Variants in CNOT4 observed in about 807,000 individuals in gnomAD.
CNOT4 encodes the protein CCR4-associated factor 4.
CNOT4 carries 8 observed loss-of-function variants against 73.8 expected under a neutral mutation model. That is an observed-to-expected ratio of 0.11 (90% CI 0.06 to 0.20). The LOEUF (loss-of-function observed/expected upper bound fraction) is 0.20. Among genes scored for constraint, CNOT4 ranks in the 10% least tolerant of loss-of-function variants. CNOT4 has a pLI of 1.00. For synonymous variants in CNOT4, 293 were observed against 321.1 expected, an observed-to-expected ratio of 0.91 and a Z score of 0.94; for missense variants, 564 against 883.4, an observed-to-expected ratio of 0.64 and a Z score of 4.58.
intron 1 of CNOT4, among the ~76,000 whole-genome samples, chr7:135,502,816 C>CAAAAAAAAAAA (rs56358299): frequency 1.7e-5 from 1 of 59,162 alleles, no homozygotes; most frequent in Non-Finnish European, 3.3e-5. Context: ...AACTCCATCT[C>CAAAAAAAAAAA]AAAAAAAAAA....
chr7:135,383,967 C>A (rs1235565618), intron 10 of CNOT4, among the ~76,000 whole-genome samples: 1 of 151,204 alleles, frequency 6.6e-6, no homozygotes, highest in Non-Finnish European at 1.5e-5. Context: ...TTTTTCCACT[C>A]CTATGCTTTG....
intron 10 of CNOT4, among the ~76,000 whole-genome samples, chr7:135,390,453 A>G (rs949187587): frequency 6.6e-6 from 1 of 152,152 alleles, no homozygotes; most frequent in Non-Finnish European, 1.5e-5. Context: ...ATAATAAAAA[A>G]AAAGATCTGA....
intron 10 of CNOT4, among the ~76,000 whole-genome samples, chr7:135,392,858 A>C (rs1796473565): frequency 6.6e-6 from 1 of 152,188 alleles, no homozygotes; most frequent in South Asian, 2.1e-4. Context: ...AGACCTCTGT[A>C]AATTCATCTA....
chr7:135,487,795 T>C (rs1236370239), intron 1 of CNOT4, among the ~76,000 whole-genome samples: 1 of 152,232 alleles, frequency 6.6e-6, no homozygotes, highest in Non-Finnish European at 1.5e-5. Context: ...GGCTTACGCC[T>C]GTGGTCCCAG....
chr7:135,370,795 G>T (rs1270535132), intron 10 of CNOT4, among the ~76,000 whole-genome samples: 1 of 152,152 alleles, frequency 6.6e-6, no homozygotes, highest in Non-Finnish European at 1.5e-5. Flanking sequence ...AAAGCTTTCT[G>T]AATGCAGGAG....
chr7:135,399,366 T>C (rs185452614), intron 7 of CNOT4, among the ~76,000 whole-genome samples: 174 of 152,220 alleles, frequency 1.1e-3, no homozygotes, highest in Middle Eastern at 6.8e-3. Context: ...TTGAATACTG[T>C]AGGCAATGTA....
chr7:135,469,458 T>C (rs960900897), intron 1 of CNOT4, among the ~76,000 whole-genome samples: 1 of 152,208 alleles, frequency 6.6e-6, no homozygotes, highest in African/African-American at 2.4e-5. Context: ...CTTCACTGGA[T>C]CTTCCTCCTT....
At chr7:135,455,252 G>T (rs1195905337) in intron 1 of CNOT4, among the ~76,000 whole-genome samples, 1 of 150,400 alleles carries the variant, frequency 6.6e-6, no homozygotes, top group East Asian at 2.0e-4. Context: ...CCAGCCTCGG[G>T]AAGAGAGCAA....
intron 1 of CNOT4, among the ~76,000 whole-genome samples, chr7:135,501,261 A>T (rs1803945073): frequency 6.6e-6 from 1 of 152,224 alleles, no homozygotes; most frequent in Admixed American, 6.5e-5. Flanking sequence ...CTGGGATTAC[A>T]GGTGTGAGCC....
At chr7:135,454,352 T>C (rs1800389874) in intron 1 of CNOT4, among the ~76,000 whole-genome samples, 2 of 151,964 alleles carry the variant, frequency 1.3e-5, no homozygotes, top group South Asian at 4.1e-4. Flanking sequence ...TATGTCAGAA[T>C]GTTTTCAAGA....
chr7:135,406,296 C>T, intron 7 of CNOT4, among the ~76,000 whole-genome samples: 1 of 124,924 alleles, frequency 8.0e-6, no homozygotes, highest in Non-Finnish European at 1.7e-5. Context: ...AAAACATCCC[C>T]ACCCCCCACC....
intron 10 of CNOT4, among the ~76,000 whole-genome samples, chr7:135,393,250 G>A (rs1428117696): frequency 6.6e-6 from 1 of 152,118 alleles, no homozygotes; most frequent in East Asian, 1.9e-4. Context: ...AAGTATTTTG[G>A]CATCAAACTT....
intron 7 of CNOT4, among the ~76,000 whole-genome samples, chr7:135,400,779 G>A (rs909861180): frequency 7.2e-5 from 11 of 152,150 alleles, no homozygotes; most frequent in Non-Finnish European, 1.6e-4. Flanking sequence ...TCCGATAATA[G>A]CTGCTGAAAA....
chr7:135,492,330 A>G (rs1456149345), intron 1 of CNOT4, among the ~76,000 whole-genome samples: 1 of 152,212 alleles, frequency 6.6e-6, no homozygotes, highest in African/African-American at 2.4e-5. Flanking sequence ...TGAAGTACTC[A>G]AAGAGTTGAT....
chr7:135,426,403 C>T (rs1351308710), intron 2 of CNOT4, among the ~76,000 whole-genome samples: 1 of 151,334 alleles, frequency 6.6e-6, no homozygotes, highest in African/African-American at 2.4e-5. Context: ...GAAATCGAGA[C>T]CATCCTGGCT....
At chr7:135,384,525 T>A in intron 10 of CNOT4, 1 of 619,250 alleles carries the variant, frequency 1.6e-6, no homozygotes, top group East Asian at 2.8e-5. Context: ...GACCTTGTGA[T>A]CTGCCTGCCT....
At chr7:135,375,645 C>T in intron 10 of CNOT4, among the ~76,000 whole-genome samples, 1 of 152,138 alleles carries the variant, frequency 6.6e-6, no homozygotes, top group Admixed American at 6.5e-5. Context: ...TGTGTTAGGG[C>T]TGGGCGCGGT....
chr7:135,391,515 C>T (rs1286007863), intron 10 of CNOT4, among the ~76,000 whole-genome samples: 2 of 151,770 alleles, frequency 1.3e-5, no homozygotes, highest in African/African-American at 2.4e-5. Flanking sequence ...AAGTTGGTGA[C>T]TACATTTTTA....
At chr7:135,503,940 G>A (rs1321147482) in intron 1 of CNOT4, among the ~76,000 whole-genome samples, 1 of 152,076 alleles carries the variant, frequency 6.6e-6, no homozygotes, top group Non-Finnish European at 1.5e-5. Flanking sequence ...AATATGGGAG[G>A]CAGAAAATAA....
Sources: allele counts gnomAD v4.1 joint callset (sites outside exome capture counted in the v4.1 genomes callset), GRCh38; gene constraint gnomAD v4.1.1; transcripts MANE v1.5; gene names NCBI Gene and HGNC (gene_info 2026-07-23, HGNC 2026-07-21).